Variants in XPO7 observed in about 807,000 individuals in gnomAD.
XPO7 encodes the protein exportin 7.
XPO7 carries 21 observed loss-of-function variants against 144.3 expected under a neutral mutation model. The observed-to-expected ratio is 0.15, with a 90% CI of 0.10 to 0.21. The LOEUF (loss-of-function observed/expected upper bound fraction) is 0.21. XPO7 is among the 10% of genes least tolerant of loss of function. XPO7 has a pLI of 1.00. For synonymous variants in XPO7, 580 were observed against 499.6 expected (o/e 1.16, Z -2.15); for missense variants, 808 against 1,325.8 (o/e 0.61, Z 6.06).
Position 21,998,093 on chromosome 8 carries a change from C to A in XPO7, c.2346-662C>A, listed in dbSNP as rs13269267. 3.0e-3 allele frequency among the ~76,000 whole-genome samples: 455 copies of A among 152,300 alleles called. 3 individuals carry two copies. The highest frequency in any genetic ancestry group is 3.4e-3 in the Non-Finnish European group (234 of 68,028). Reference sequence around the variant, plus strand: ...CCACTGAAGCCATAAAGGTCCATGCCAACTAATGGCTGAAGGGCTCTGCAT... The same window carrying A: ...CCACTGAAGCCATAAAGGTCCATGCAAACTAATGGCTGAAGGGCTCTGCAT... On this transcript the variant is annotated intron_variant, in intron 21 of 27. Transcript: ENST00000252512.
In XPO7 at chr8:22,005,155, G is replaced by T. The variant is rs1813284768; in HGVS notation, c.*67G>T. The T allele has an allele frequency of 3.7e-6, 5 of 1,352,076 alleles. No individual in the cohort carries two copies. The East Asian group carries it at 1.2e-4, about 33-fold the overall frequency. The allele number at this position is 1,352,076 out of a possible 1,614,324, so 83.8% of individuals were successfully genotyped here. A position where few individuals can be genotyped will look rare whatever the true frequency, so the allele number is the denominator to read the frequency against. On this transcript the variant is annotated 3_prime_UTR_variant, in exon 28 of 28. Coordinates refer to ENST00000252512, the MANE Select transcript of XPO7 (RefSeq NM_015024.5). ...GTTTGGCCCAGAGGGGCGAACAATT[G>T]CAAGGGAGAGGGCCTGGCTGATCCT... is the stretch of plus-strand genomic sequence containing the variant.
chr8:21,982,915 A>T, intron 11 of XPO7, 103 bp downstream of exon 11: 1 of 1,371,670 alleles, frequency 7.3e-7, no homozygotes, highest in Non-Finnish European at 9.8e-7. Context: ...AGCGTGTCTC[A>T]TTGGAGCCAC....
rs56385606 is a variant in XPO7 at position 21,971,111 on chromosome 8, T to C, written c.427-765T>C. Among the ~76,000 whole-genome samples the C allele has an allele frequency of 3.2e-3, 492 of 152,348 alleles. 3 individuals carry two copies. Among genetic ancestry groups the C allele is most frequent in the African/African-American group, 0.011 (474 of 41,582 alleles). On this transcript the variant is annotated intron_variant, in intron 4 of 27. Transcript: ENST00000252512. The stretch of plus-strand genomic sequence containing the variant: ...GATACACAAACACTTACCATTGTTA[T>C]AGTTGCCCACAGTATAGTCACGTGG...
chr8:21,995,064 AAATAAT>A (rs150929948), intron 20 of XPO7, among the ~76,000 whole-genome samples: 30,967 of 150,366 alleles, frequency 0.21, 4,521 homozygotes, highest in African/African-American at 0.42. Flanking sequence ...AAAAAAAAAT[AAATAAT>A]AATAATAATA....
intron 8 of XPO7, 142 bp downstream of exon 8, chr8:21,977,985 T>A: frequency 1.4e-6 from 1 of 726,872 alleles, no homozygotes; most frequent in Non-Finnish European, 2.2e-6. Flanking sequence ...CTTTTGAGAT[T>A]AAGCTTGTAG....
At chr8:21,924,930 T>C (rs1417294248) in intron 1 of XPO7, among the ~76,000 whole-genome samples, 1 of 152,242 alleles carries the variant, frequency 6.6e-6, no homozygotes, top group Non-Finnish European at 1.5e-5. Flanking sequence ...TTTTTGTTAC[T>C]GTGCAGACAC....
chr8:21,989,180 T>A, intron 16 of XPO7, 97 bp downstream of exon 16: 6 of 1,108,182 alleles, frequency 5.4e-6, no homozygotes, highest in African/African-American at 1.6e-5. Context: ...AGTTTAGCTG[T>A]AGTGTGTACT....
At chr8:21,995,063 TAAA>T (rs1222459497) in intron 20 of XPO7, among the ~76,000 whole-genome samples, 2 of 135,784 alleles carry the variant, frequency 1.5e-5, no homozygotes, top group Non-Finnish European at 3.1e-5. Flanking sequence ...CAAAAAAAAA[TAAA>T]TAATAATAAT....
intron 1 of XPO7, among the ~76,000 whole-genome samples, chr8:21,920,231 G>T (rs1810230050): frequency 2.0e-5 from 3 of 151,796 alleles, no homozygotes. Context: ...ACCTCGCGCT[G>T]ATAAACCTCG....
chr8:21,999,793 C>A, intron 24 of XPO7, 119 bp downstream of exon 24: 2 of 1,328,630 alleles, frequency 1.5e-6, no homozygotes, highest in Non-Finnish European at 2.1e-6. Flanking sequence ...GGGGTTTGGC[C>A]ATAACAATAG....
At chr8:21,979,320 C>T (rs965530307) in intron 8 of XPO7, among the ~76,000 whole-genome samples, 32 of 151,852 alleles carry the variant, frequency 2.1e-4, no homozygotes, top group African/African-American at 7.0e-4. Context: ...GCTGGGATTA[C>T]GGGCGTGAGC....
At chr8:21,933,062 G>C (rs920769429) in intron 1 of XPO7, among the ~76,000 whole-genome samples, 1 of 150,512 alleles carries the variant, frequency 6.6e-6, no homozygotes, top group African/African-American at 2.4e-5. Flanking sequence ...TAAGGTTTTA[G>C]AACATGATGG....
chr8:21,956,742 T>C (rs1344860639), intron 1 of XPO7, among the ~76,000 whole-genome samples: 1 of 152,118 alleles, frequency 6.6e-6, no homozygotes, highest in South Asian at 2.1e-4. Flanking sequence ...GTCTTTTTTT[T>C]TTTTCTTTTT....
chr8:22,004,343 G>A (rs932682367), intron 27 of XPO7, among the ~76,000 whole-genome samples: 2 of 151,870 alleles, frequency 1.3e-5, no homozygotes, highest in Non-Finnish European at 2.9e-5. Context: ...CAGTTCATAC[G>A]TTTTCATCAG....
At chr8:21,982,602 A>G in intron 10 of XPO7, 38 bp from the exon 11 acceptor site, 1 of 1,539,212 alleles carries the variant, frequency 6.5e-7, no homozygotes, top group Non-Finnish European at 8.7e-7. Flanking sequence ...ACGTACAGAA[A>G]TGAAAAATAT....
At chr8:21,945,913 T>C (rs1158296742) in intron 1 of XPO7, among the ~76,000 whole-genome samples, 1 of 152,150 alleles carries the variant, frequency 6.6e-6, no homozygotes, top group Admixed American at 6.5e-5. Flanking sequence ...GAAGTCAAAA[T>C]TGCTGTAGGG....
At chr8:21,966,725 C>A in intron 1 of XPO7, 132 bp from the exon 2 acceptor site, 2 of 1,269,916 alleles carry the variant, frequency 1.6e-6, no homozygotes, top group Non-Finnish European at 1.1e-6. Context: ...TGAATGTTAC[C>A]CAGGTTCTCC....
At chr8:22,004,962 T>A in intron 27 of XPO7, 33 bp from the exon 28 acceptor site, 11 of 641,404 alleles carry the variant, frequency 1.7e-5, no homozygotes, top group Non-Finnish European at 2.1e-5. Context: ...CCCCCCACTC[T>A]CCTCCCCCAA....
At chr8:21,940,523 G>C (rs548095971) in intron 1 of XPO7, among the ~76,000 whole-genome samples, 113 of 151,592 alleles carry the variant, frequency 7.5e-4, no homozygotes, top group African/African-American at 2.7e-3. Context: ...AGGCTGGAGT[G>C]CGGTGGTGTG....
Sources: allele counts gnomAD v4.1 joint callset (sites outside exome capture counted in the v4.1 genomes callset), GRCh38; gene constraint gnomAD v4.1.1; transcripts MANE v1.5; gene names NCBI Gene and HGNC (gene_info 2026-07-23, HGNC 2026-07-21).